The following CEP85L variants were observed in gnomAD, a reference collection of about 807,000 sequenced individuals.
CEP85L encodes centrosomal protein of 85 kDa-like.
A neutral mutation model predicts 100.3 loss-of-function variants in CEP85L; 60 were observed. The observed-to-expected ratio is 0.60, with a 90% CI of 0.49 to 0.74. The LOEUF (loss-of-function observed/expected upper bound fraction) is 0.74. Ranked by LOEUF, CEP85L falls within the 30% of genes least tolerant of loss-of-function variation. The pLI is 0.00. For missense variants in CEP85L, 973 were observed against 936.2 expected (o/e 1.04, Z -0.51); for synonymous variants, 319 against 322.7 (o/e 0.99, Z 0.12).
chr6:118,680,305 GCTTTTTTTT>G (rs1562356121), intron 1 of CEP85L, among the ~76,000 whole-genome samples: 1 of 85,602 alleles, frequency 1.2e-5, no homozygotes, highest in Non-Finnish European at 2.2e-5. Context: ...CCTTGGTGTT[GCTTTTTTTT>G]TTTTTTTTTT....
intron 2 of CEP85L, among the ~76,000 whole-genome samples, chr6:118,574,398 C>T (rs1440833542): frequency 6.6e-6 from 1 of 152,244 alleles, no homozygotes; most frequent in Non-Finnish European, 1.5e-5. Flanking sequence ...GTTCAATGTG[C>T]TCTTGCGATC....
chr6:118,629,900 A>T (rs1430582152), intron 2 of CEP85L, among the ~76,000 whole-genome samples: 1 of 152,190 alleles, frequency 6.6e-6, no homozygotes, highest in South Asian at 2.1e-4. Context: ...CAGTGTGAGA[A>T]AACAAAAGTC....
chr6:118,664,719 C>G (rs1335389188), intron 1 of CEP85L, among the ~76,000 whole-genome samples: 1 of 152,128 alleles, frequency 6.6e-6, no homozygotes, highest in African/African-American at 2.4e-5. Flanking sequence ...ATCATAGCAA[C>G]ATAATTATGA....
intron 2 of CEP85L, among the ~76,000 whole-genome samples, chr6:118,617,073 T>G (rs1254738138): frequency 6.6e-6 from 1 of 152,054 alleles, no homozygotes; most frequent in East Asian, 1.9e-4. Flanking sequence ...TAGTAAAACC[T>G]TGCGCTTTGC....
At chr6:118,660,606 A>G (rs1191774323) in intron 1 of CEP85L, among the ~76,000 whole-genome samples, 5 of 152,256 alleles carry the variant, frequency 3.3e-5, no homozygotes. Flanking sequence ...CACAGGATCT[A>G]TATTGAATGT....
At chr6:118,590,472 T>C (rs911301545) in intron 2 of CEP85L, among the ~76,000 whole-genome samples, 1 of 152,126 alleles carries the variant, frequency 6.6e-6, no homozygotes, top group African/African-American at 2.4e-5. Flanking sequence ...TCCCCATGTG[T>C]ATAGAACATC....
At chr6:118,593,683 TAAA>T (rs35539336) in intron 2 of CEP85L, among the ~76,000 whole-genome samples, 7 of 142,838 alleles carry the variant, frequency 4.9e-5, no homozygotes, top group Non-Finnish European at 3.0e-5. Context: ...TAATGCTGTT[TAAA>T]AAAAAAAAAA....
chr6:118,595,977 C>A (rs1396720135), intron 2 of CEP85L, among the ~76,000 whole-genome samples: 1 of 152,084 alleles, frequency 6.6e-6, no homozygotes, highest in Non-Finnish European at 1.5e-5. Flanking sequence ...TTTGATAATA[C>A]ACAAATTTCA....
intron 1 of CEP85L, among the ~76,000 whole-genome samples, chr6:118,681,499 A>G (rs1776657250): frequency 6.6e-6 from 1 of 152,170 alleles, no homozygotes; most frequent in Non-Finnish European, 1.5e-5. Flanking sequence ...AGCAGACCTC[A>G]TGTTAATTTT....
chr6:118,533,901 C>T (rs895997402), intron 3 of CEP85L, among the ~76,000 whole-genome samples: 6 of 152,102 alleles, frequency 3.9e-5, no homozygotes, highest in Non-Finnish European at 8.8e-5. Context: ...TCAAGACCAA[C>T]CTGGCCAACA....
intron 1 of CEP85L, among the ~76,000 whole-genome samples, chr6:118,681,073 T>C (rs1266002641): frequency 1.3e-5 from 2 of 152,224 alleles, no homozygotes; most frequent in Admixed American, 6.5e-5. Context: ...ACACAAGAGC[T>C]TTTCAGTCTA....
chr6:118,680,423 A>G (rs1043973744), intron 1 of CEP85L, among the ~76,000 whole-genome samples: 2 of 46,364 alleles, frequency 4.3e-5, no homozygotes, highest in Admixed American at 2.8e-4. Flanking sequence ...CAAAATTCCA[A>G]CCAGTGAACA....
chr6:118,526,837 G>A (rs556798014), intron 3 of CEP85L, among the ~76,000 whole-genome samples: 1 of 152,260 alleles, frequency 6.6e-6, no homozygotes, highest in Admixed American at 6.5e-5. Flanking sequence ...GGTCTGAAAG[G>A]TGAAGGAGAA....
chr6:118,587,659 G>A (rs761862714), intron 2 of CEP85L, among the ~76,000 whole-genome samples: 1 of 152,100 alleles, frequency 6.6e-6, no homozygotes, highest in African/African-American at 2.4e-5. Context: ...GCTAACAGTG[G>A]CGGCTTACTG....
intron 3 of CEP85L, among the ~76,000 whole-genome samples, chr6:118,551,888 T>C (rs1461778553): frequency 1.3e-5 from 2 of 152,034 alleles, no homozygotes; most frequent in African/African-American, 4.8e-5. Flanking sequence ...GAGTGAACTT[T>C]TGTAAGCCAA....
intron 1 of CEP85L, among the ~76,000 whole-genome samples, chr6:118,669,186 T>C (rs1487090517): frequency 3.3e-5 from 5 of 152,228 alleles, no homozygotes; most frequent in African/African-American, 4.8e-5. Context: ...AGGTAACAGA[T>C]AGGGCTCCAT....
chr6:118,540,164 A>C (rs533038666), intron 3 of CEP85L, among the ~76,000 whole-genome samples: 5 of 152,042 alleles, frequency 3.3e-5, no homozygotes, highest in Non-Finnish European at 7.4e-5. Context: ...ATCAGCCTTG[A>C]AAAAAATCCA....
intron 3 of CEP85L, among the ~76,000 whole-genome samples, chr6:118,533,491 C>T (rs1395144239): frequency 6.6e-6 from 1 of 151,822 alleles, no homozygotes; most frequent in Non-Finnish European, 1.5e-5. Context: ...AAAAAAATCT[C>T]TAGGTCCAAA....
intron 5 of CEP85L, among the ~76,000 whole-genome samples, chr6:118,505,408 TCAAA>T (rs1775583736): frequency 5.4e-5 from 1 of 18,376 alleles, no homozygotes; most frequent in African/African-American, 2.0e-4. Context: ...GTCACTGTAC[TCAAA>T]AAAAAAAAAA....
Sources: gnomAD v4.1 joint callset for allele counts (sites outside exome capture counted in the v4.1 genomes callset) on GRCh38, gnomAD v4.1.1 for gene constraint, MANE v1.5 for transcripts, NCBI Gene and HGNC (gene_info 2026-07-23, HGNC 2026-07-21) for gene names.